The following PRSS38 variants were observed in gnomAD, a reference collection of about 807,000 sequenced individuals.
PRSS38 encodes the protein marapsin 2.
A neutral mutation model predicts 26.8 loss-of-function variants in PRSS38; 22 were observed. The ratio of observed to expected loss-of-function variants is 0.82; its 90% CI spans 0.59 to 1.17. The LOEUF (loss-of-function observed/expected upper bound fraction) is 1.17, where lower values mean the gene tolerates loss of function less well. PRSS38 is among the 50% of genes most tolerant of loss of function. The pLI is 0.00. For synonymous variants in PRSS38, 175 were observed against 172.1 expected, an observed-to-expected ratio of 1.02 and a Z score of -0.13; for missense variants, 427 against 422.7, an observed-to-expected ratio of 1.01 and a Z score of -0.09.
chr1:227,846,349 G>A (rs763781041), exon 5 of PRSS38: 36 of 1,100,564 alleles, frequency 3.3e-5, no homozygotes, highest in Non-Finnish European at 4.1e-5. Flanking sequence ...GCTGAGTCCA[G>A]GAGGTGATGA....
chr1:227,835,258 C>T (rs1055792614), intron 3 of PRSS38, among the ~76,000 whole-genome samples: 2 of 152,188 alleles, frequency 1.3e-5, no homozygotes, highest in South Asian at 4.1e-4. Context: ...CCTGCAGAAA[C>T]AGTTTAGAAG....
rs77080096 is a variant in PRSS38, at chr1:227,834,160, C to T, written c.584-11310C>T. 1.7e-3 allele frequency among the ~76,000 whole-genome samples: 266 copies of T among 152,268 alleles called. 5 individuals are homozygous for T. In the East Asian group the frequency reaches 0.046, roughly 26 times the overall value. On this transcript the variant is annotated intron_variant, in intron 3 of 4. Transcript: ENST00000366757. ...AGGAAGAGGAAAAGAAGGATCCTCC[C>T]TGAGACCCCTGAGAGGGAGCCTGGC...
At chr1:227,829,275 T>C (rs990018758) in intron 3 of PRSS38, among the ~76,000 whole-genome samples, 2 of 151,044 alleles carry the variant, frequency 1.3e-5, no homozygotes, top group Non-Finnish European at 2.9e-5. Flanking sequence ...CCTTCCCTTT[T>C]CTCTTCATCC....
At chr1:227,845,846 C>A in intron 4 of PRSS38, 108 bp from the exon 5 acceptor site, 2 of 1,465,788 alleles carry the variant, frequency 1.4e-6, no homozygotes, top group Non-Finnish European at 1.8e-6. Flanking sequence ...GGCACTGGCC[C>A]CTTCCAGCAG....
At chr1:227,818,675 CA>C (rs71180764) in intron 3 of PRSS38, among the ~76,000 whole-genome samples, 11,653 of 60,588 alleles carry the variant, frequency 0.19, 206 homozygotes, top group South Asian at 0.29. Flanking sequence ...GACCTTCTCT[CA>C]AAAAAAAAAA....
intron 3 of PRSS38, among the ~76,000 whole-genome samples, chr1:227,825,333 AG>A (rs1415204240): frequency 1.3e-5 from 2 of 152,166 alleles, no homozygotes; most frequent in African/African-American, 4.8e-5. Flanking sequence ...CTGGGATTAC[AG>A]GCACATGCCA....
Position 227,826,718 on chromosome 1 carries a change from GA to G in PRSS38, c.583+9250del, listed in dbSNP as rs376281996. On this transcript the variant is annotated intron_variant, in intron 3 of 4. Coordinates refer to ENST00000366757, the Ensembl canonical transcript of PRSS38. ...GTGACAGAGTGAACCTCCATCTCAAGAAAAAAAAAAAAGTGGTGAGAGAGGG... is the reference window on the plus strand; with the variant it reads ...GTGACAGAGTGAACCTCCATCTCAAGAAAAAAAAAAAGTGGTGAGAGAGGG... Among the ~76,000 whole-genome samples the G allele has an allele frequency of 3.3e-3, 475 of 142,122 alleles. 1 individual carries two copies. Among genetic ancestry groups the G allele is most frequent in the African/African-American group, 9.2e-3 (360 of 38,962 alleles). 93.2% of individuals were successfully genotyped at this position (142,122 alleles called of 152,430 possible).
chr1:227,835,440 A>G (rs1256034676), intron 3 of PRSS38, among the ~76,000 whole-genome samples: 1 of 152,126 alleles, frequency 6.6e-6, no homozygotes, highest in East Asian at 1.9e-4. Flanking sequence ...CTATGGCCCA[A>G]TTACCACACA....
intron 3 of PRSS38, among the ~76,000 whole-genome samples, chr1:227,823,739 C>T (rs561002795): frequency 6.6e-6 from 1 of 152,312 alleles, no homozygotes; most frequent in Non-Finnish European, 1.5e-5. Flanking sequence ...TGTAAGCTTC[C>T]TGAGGTCCTC....
chr1:227,837,612 TTGGTAGAA>T (rs1665257118), intron 3 of PRSS38, among the ~76,000 whole-genome samples: 1 of 152,234 alleles, frequency 6.6e-6, no homozygotes, highest in African/African-American at 2.4e-5. Flanking sequence ...GGGTCTATGC[TTGGTAGAA>T]TCTGTTGGCT....
intron 3 of PRSS38, among the ~76,000 whole-genome samples, chr1:227,820,119 A>G (rs1664982426): frequency 6.7e-6 from 1 of 149,432 alleles, no homozygotes; most frequent in African/African-American, 2.4e-5. Context: ...AAAAAGCAAC[A>G]CAACTGATTT....
In PRSS38 at chr1:227,840,296, A is replaced by G. The variant is rs542344970; in HGVS notation, c.584-5174A>G. On this transcript the variant is annotated intron_variant, in intron 3 of 4. Coordinates refer to ENST00000366757, the Ensembl canonical transcript of PRSS38. ...GCCACCACACCCAGCTAATTTTTGT[A>G]TTTTTTGTAGAGATGGGGGTCTCAC... Among the ~76,000 whole-genome samples, 29 of 151,968 alleles carry G rather than the reference A, an allele frequency of 1.9e-4. No individual in the cohort carries two copies. The South Asian group carries it at 6.0e-3, about 32-fold the overall frequency.
chr1:227,841,457 G>A (rs753480364), intron 3 of PRSS38, among the ~76,000 whole-genome samples: 6 of 152,366 alleles, frequency 3.9e-5, no homozygotes, highest in Admixed American at 6.5e-5. Flanking sequence ...TGGGAAAGGC[G>A]GGGAAGGGGA....
At chr1:227,817,408 C>T in exon 3 of PRSS38, 3 of 1,614,174 alleles carry the variant, frequency 1.9e-6, no homozygotes, top group Non-Finnish European at 2.5e-6. Context: ...CCCGGTTTGC[C>T]TTGCAACTCC....
chr1:227,824,085 CA>C (rs1368897554), intron 3 of PRSS38, among the ~76,000 whole-genome samples: 1 of 152,014 alleles, frequency 6.6e-6, no homozygotes, highest in East Asian at 1.9e-4. Context: ...CTTTTAAGTT[CA>C]GGGGTACATA....
chr1:227,829,377 G>A (rs895349926), intron 3 of PRSS38, among the ~76,000 whole-genome samples: 1 of 151,980 alleles, frequency 6.6e-6, no homozygotes, highest in Non-Finnish European at 1.5e-5. Context: ...TTTCTCTGAC[G>A]ATTAGTGATA....
At chr1:227,833,987 G>T (rs1665200466) in intron 3 of PRSS38, among the ~76,000 whole-genome samples, 1 of 152,188 alleles carries the variant, frequency 6.6e-6, no homozygotes, top group African/African-American at 2.4e-5. Flanking sequence ...ATGTTAGGGT[G>T]GGGCCTTGTC....
At chr1:227,837,328 C>T (rs1170911896) in intron 3 of PRSS38, among the ~76,000 whole-genome samples, 2 of 152,212 alleles carry the variant, frequency 1.3e-5, no homozygotes, top group African/African-American at 2.4e-5. Flanking sequence ...TCTTAAACTT[C>T]GTTAATGAAA....
intron 3 of PRSS38, among the ~76,000 whole-genome samples, chr1:227,840,350 T>C (rs1223692954): frequency 6.6e-6 from 1 of 152,060 alleles, no homozygotes; most frequent in African/African-American, 2.4e-5. Context: ...CTCGAACTCC[T>C]GGGCTCAAGC....
Sources: allele counts gnomAD v4.1 joint callset (sites outside exome capture counted in the v4.1 genomes callset), GRCh38; gene constraint gnomAD v4.1.1; transcripts MANE v1.5; gene names NCBI Gene and HGNC (gene_info 2026-07-23, HGNC 2026-07-21).